Variants in RPH3A observed in about 807,000 individuals in gnomAD.
RPH3A encodes rabphilin 3A.
RPH3A carries 48 observed loss-of-function variants against 102.2 expected under a neutral mutation model. The observed-to-expected ratio is 0.47, with a 90% CI of 0.37 to 0.60. The LOEUF (loss-of-function observed/expected upper bound fraction) is 0.60, where lower values mean the gene tolerates loss of function less well. Ranked by LOEUF, RPH3A falls within the 20% of genes least tolerant of loss-of-function variation. The pLI is 0.00. For missense variants in RPH3A, 781 were observed against 910.1 expected, an observed-to-expected ratio of 0.86 and a Z score of 1.83; for synonymous variants, 310 against 324.3, an observed-to-expected ratio of 0.96 and a Z score of 0.47.
intron 1 of RPH3A, among the ~76,000 whole-genome samples, chr12:112,685,584 C>T (rs1222403614): frequency 6.6e-6 from 1 of 152,162 alleles, no homozygotes; most frequent in African/African-American, 2.4e-5. Flanking sequence ...TGCCAGAAAT[C>T]AGTGACCTTT....
intron 14 of RPH3A, 65 bp downstream of exon 14, chr12:112,879,263 G>A (rs2042863891): frequency 4.5e-6 from 6 of 1,334,474 alleles, no homozygotes; most frequent in African/African-American, 4.4e-5. Context: ...AGACTCAGAT[G>A]GGGATGGATG....
intron 1 of RPH3A, among the ~76,000 whole-genome samples, chr12:112,634,983 T>C (rs573367037): frequency 6.6e-6 from 1 of 152,364 alleles, no homozygotes; most frequent in East Asian, 1.9e-4. Flanking sequence ...TGGTTTTCCA[T>C]TTATGGTAGT....
chr12:112,697,858 T>C (rs956822638), intron 1 of RPH3A, among the ~76,000 whole-genome samples: 11 of 150,774 alleles, frequency 7.3e-5, no homozygotes, highest in Admixed American at 4.6e-4. Flanking sequence ...AGAGTGAAAC[T>C]CCATCTCAAA....
chr12:112,720,878 T>C (rs2040545845), intron 1 of RPH3A, among the ~76,000 whole-genome samples: 1 of 152,176 alleles, frequency 6.6e-6, no homozygotes. Context: ...GCAAAGGGCA[T>C]GGTTACAGGA....
intron 3 of RPH3A, among the ~76,000 whole-genome samples, chr12:112,828,804 T>A (rs766967803): frequency 3.7e-4 from 56 of 152,320 alleles, no homozygotes; most frequent in Non-Finnish European, 6.6e-4. Context: ...TGCAGAAGTG[T>A]ATGTGTAGGT....
chr12:112,590,078 A>G (rs1592896112), intron 1 of RPH3A, among the ~76,000 whole-genome samples: 2 of 137,532 alleles, frequency 1.5e-5, no homozygotes, highest in Non-Finnish European at 3.0e-5. Flanking sequence ...GCAAGACTCC[A>G]TCTCAAAAAA....
Position 112,898,171 on chromosome 12 carries a change from A to G in RPH3A, c.*1391A>G, listed in dbSNP as rs1201326839. 6.6e-6 allele frequency: 1 copy of G among 152,208 alleles called. No homozygotes were observed. Among genetic ancestry groups the G allele is most frequent in the Admixed American group, 6.5e-5 (1 of 15,284 alleles). The allele number at this position is 152,208 out of a possible 1,614,324, so 9.4% of individuals were successfully genotyped here. On this transcript the variant is annotated 3_prime_UTR_variant, in exon 22 of 22. Transcript: ENST00000389385. ...AGTAGAGAGAGACAGGCCTGATGCC[A>G]AAGGCTTTGGGCTCATCATCAATCT...
intron 2 of RPH3A, among the ~76,000 whole-genome samples, chr12:112,812,859 C>T (rs1415423029): frequency 6.6e-6 from 1 of 152,188 alleles, no homozygotes; most frequent in Non-Finnish European, 1.5e-5. Flanking sequence ...CTTCTTTGAG[C>T]CAATGTATAC....
intron 1 of RPH3A, among the ~76,000 whole-genome samples, chr12:112,727,454 C>T (rs920052197): frequency 1.8e-4 from 4 of 21,704 alleles, no homozygotes; most frequent in African/African-American, 1.4e-3. Context: ...CACACACAGA[C>T]ACAGACACAC....
At chr12:112,698,800 A>C (rs187617354) in intron 1 of RPH3A, among the ~76,000 whole-genome samples, 1 of 151,950 alleles carries the variant, frequency 6.6e-6, no homozygotes, top group Non-Finnish European at 1.5e-5. Context: ...ACGGTAGGAT[A>C]GTTTTCCCCT....
intron 1 of RPH3A, among the ~76,000 whole-genome samples, chr12:112,681,314 A>T (rs769695469): frequency 4.6e-5 from 7 of 152,166 alleles, no homozygotes; most frequent in Non-Finnish European, 1.0e-4. Flanking sequence ...TCTGCTTCAG[A>T]TGTGCCCCTG....
intron 16 of RPH3A, among the ~76,000 whole-genome samples, chr12:112,886,499 C>A (rs1419417135): frequency 6.6e-6 from 1 of 152,006 alleles, no homozygotes; most frequent in Non-Finnish European, 1.5e-5. Flanking sequence ...TGCCACTGAT[C>A]TGACAGGAGG....
chr12:112,630,286 T>G (rs2039794970), intron 1 of RPH3A, among the ~76,000 whole-genome samples: 1 of 152,226 alleles, frequency 6.6e-6, no homozygotes, highest in African/African-American at 2.4e-5. Flanking sequence ...CACAATGATT[T>G]ATTCCCATTT....
At chr12:112,790,441 G>A (rs117647744), upstream of RPH3A, among the ~76,000 whole-genome samples, 319 of 152,290 alleles carry the variant, frequency 2.1e-3, 1 homozygote, top group East Asian at 0.057. Flanking sequence ...GGAGAAGTAA[G>A]TGACAAATGT....
At chr12:112,709,264 T>C (rs1557805) in intron 1 of RPH3A, among the ~76,000 whole-genome samples, 2,046 of 152,308 alleles carry the variant, frequency 0.013, 40 homozygotes, top group South Asian at 0.065. Flanking sequence ...AAATATTTAC[T>C]CTTGGCTGGG....
At chr12:112,757,459 G>A (rs1007368140) in intron 1 of RPH3A, among the ~76,000 whole-genome samples, 3 of 152,118 alleles carry the variant, frequency 2.0e-5, no homozygotes, top group Admixed American at 6.6e-5. Flanking sequence ...CTAAAAGAGA[G>A]AATCTTGAAT....
intron 2 of RPH3A, among the ~76,000 whole-genome samples, chr12:112,798,457 T>C (rs1176545062): frequency 6.6e-6 from 1 of 152,204 alleles, no homozygotes; most frequent in Non-Finnish European, 1.5e-5. Flanking sequence ...GAGTGGTGAC[T>C]TGTGAATGGA....
At chr12:112,774,598 C>A (rs1018946766) in intron 1 of RPH3A, among the ~76,000 whole-genome samples, 7 of 152,152 alleles carry the variant, frequency 4.6e-5, no homozygotes, top group Admixed American at 6.6e-5. Context: ...TTGTTGGCAG[C>A]CTTAAAAAGG....
Position 112,894,564 on chromosome 12 carries a change from G to T in RPH3A, c.1776-14G>T. ...TAAACGTCATCCATAATAGCATGTT[G>T]TGTCGCCTCCCAGCTGGCTGAAACC... On this transcript the variant is annotated splice_polypyrimidine_tract_variant and intron_variant, in intron 19 of 21. Transcript: ENST00000389385. The T allele has an allele frequency of 6.2e-7, 1 of 1,613,140 alleles. No individual in the cohort carries two copies. Among genetic ancestry groups the T allele is most frequent in the East Asian group, 2.2e-5 (1 of 44,872 alleles).
Sources: allele counts gnomAD v4.1 joint callset (sites outside exome capture counted in the v4.1 genomes callset), GRCh38; gene constraint gnomAD v4.1.1; transcripts MANE v1.5; gene names NCBI Gene and HGNC (gene_info 2026-07-23, HGNC 2026-07-21).